Variants in KIAA1549L observed in about 807,000 individuals in gnomAD.
KIAA1549L encodes UPF0606 protein KIAA1549L.
KIAA1549L carries 88 observed loss-of-function variants against 160.7 expected under a neutral mutation model. The observed-to-expected ratio is 0.55, with a 90% confidence interval of 0.46 to 0.65. The LOEUF (loss-of-function observed/expected upper bound fraction) is 0.65. KIAA1549L is among the 30% of genes least tolerant of loss of function. The probability of loss-of-function intolerance (pLI) is 0.00; values close to 1 mark genes in which losing one functional copy is unlikely to be tolerated. For missense variants in KIAA1549L, 2,258 were observed against 2,437.5 expected (o/e 0.93, Z 1.55); for synonymous variants, 950 against 976.7 (o/e 0.97, Z 0.51).
At chr11:33,461,473 T>G (rs1401874343) in intron 1 of KIAA1549L, among the ~76,000 whole-genome samples, 2 of 152,156 alleles carry the variant, frequency 1.3e-5, no homozygotes, top group Non-Finnish European at 1.5e-5. Context: ...ACTGCCTCCC[T>G]CAGCATGAAG....
intron 9 of KIAA1549L, among the ~76,000 whole-genome samples, chr11:33,568,938 T>G (rs1855149223): frequency 6.6e-6 from 1 of 152,244 alleles, no homozygotes; most frequent in Admixed American, 6.5e-5. Flanking sequence ...TTCTCTTGGC[T>G]GGGAGAATTC....
At chr11:33,380,428 C>G (rs1252431782) in intron 1 of KIAA1549L, among the ~76,000 whole-genome samples, 1 of 152,146 alleles carries the variant, frequency 6.6e-6, no homozygotes, top group African/African-American at 2.4e-5. Flanking sequence ...GAAGGTTTTG[C>G]TGATACCAAA....
intron 1 of KIAA1549L, among the ~76,000 whole-genome samples, chr11:33,449,371 A>G (rs1851676334): frequency 6.6e-6 from 1 of 152,138 alleles, no homozygotes; most frequent in African/African-American, 2.4e-5. Flanking sequence ...ATAGCAGAGG[A>G]AGATTCTCAT....
At chr11:33,482,997 A>C (rs1009177677) in intron 1 of KIAA1549L, among the ~76,000 whole-genome samples, 4 of 152,004 alleles carry the variant, frequency 2.6e-5, no homozygotes, top group African/African-American at 9.7e-5. Flanking sequence ...GCCACTATCC[A>C]GCTCGCTGTT....
rs1053253812 is a variant in KIAA1549L at position 33,397,546 on chromosome 11, T to TA, written c.238+20664dup. The stretch of plus-strand genomic sequence containing the variant: ...CAATATGGTGAAACCCCGTCTCTAC[T>TA]AAAAAAACTACAAAAATTAGCCGGA... On this transcript the variant is annotated intron_variant, in intron 1 of 20. Transcript: ENST00000658780. Among the ~76,000 whole-genome samples, 13 of 150,636 alleles carry TA rather than the reference T, an allele frequency of 8.6e-5. No individual in the cohort carries two copies. In the East Asian group the frequency reaches 1.2e-3, roughly 14 times the overall value.
chr11:33,441,718 C>T (rs1044033235), intron 1 of KIAA1549L, among the ~76,000 whole-genome samples: 5 of 152,168 alleles, frequency 3.3e-5, no homozygotes, highest in African/African-American at 1.2e-4. Context: ...TAAATGTCGT[C>T]TTTTGAGAAG....
intron 1 of KIAA1549L, among the ~76,000 whole-genome samples, chr11:33,454,528 G>A (rs980678123): frequency 2.0e-5 from 3 of 152,210 alleles, no homozygotes; most frequent in East Asian, 3.9e-4. Flanking sequence ...GCATTAAGGG[G>A]CATTATAGTA....
chr11:33,458,116 A>G (rs1382031782), intron 1 of KIAA1549L, among the ~76,000 whole-genome samples: 1 of 152,200 alleles, frequency 6.6e-6, no homozygotes, highest in Non-Finnish European at 1.5e-5. Context: ...GGACTTGTGT[A>G]TGCAGCCCAG....
chr11:33,593,491 G>A (rs1190727295), intron 12 of KIAA1549L, among the ~76,000 whole-genome samples: 1 of 152,172 alleles, frequency 6.6e-6, no homozygotes, highest in Non-Finnish European at 1.5e-5. Flanking sequence ...GCTGCTGTGT[G>A]GCAAACAGAC....
At chr11:33,518,445 C>G (rs1853406681) in intron 1 of KIAA1549L, among the ~76,000 whole-genome samples, 1 of 152,144 alleles carries the variant, frequency 6.6e-6, no homozygotes, top group African/African-American at 2.4e-5. Context: ...CTGTACTATA[C>G]ATTAACTTTC....
At chr11:33,392,526 C>G (rs951657683) in intron 1 of KIAA1549L, among the ~76,000 whole-genome samples, 13 of 152,110 alleles carry the variant, frequency 8.5e-5, no homozygotes, top group African/African-American at 1.2e-4. Flanking sequence ...TGAGTTTTTA[C>G]AAATGTATAC....
chr11:33,496,739 A>G (rs889473995), intron 1 of KIAA1549L, among the ~76,000 whole-genome samples: 1 of 152,162 alleles, frequency 6.6e-6, no homozygotes, highest in African/African-American at 2.4e-5. Flanking sequence ...GTATCTTTTA[A>G]ATATGCTCCT....
chr11:33,435,788 A>ATGTGTGTGTG lies in KIAA1549L; in HGVS notation c.238+58900_238+58901insGTGTGTGTGT, dbSNP rs1291028468. On this transcript the variant is annotated intron_variant, in intron 1 of 20. Transcript: ENST00000658780. ...TATATATATATATATATATATATAT[A>ATGTGTGTGTG]TATATATATATATATATATATATGT... Among the ~76,000 whole-genome samples the ATGTGTGTGTG allele has an allele frequency of 1.6e-3, 42 of 26,518 alleles. 3 individuals carry two copies. The East Asian group carries it at 0.074, about 47-fold the overall frequency. 17.4% of individuals were successfully genotyped at this position (26,518 alleles called of 152,430 possible).
chr11:33,482,308 C>CT (rs146681649), intron 1 of KIAA1549L, among the ~76,000 whole-genome samples: 3 of 151,184 alleles, frequency 2.0e-5, no homozygotes, highest in African/African-American at 4.9e-5. Context: ...AATTTTTATA[C>CT]TTTTTTTTTC....
At chr11:33,383,622 G>T (rs980215243) in intron 1 of KIAA1549L, among the ~76,000 whole-genome samples, 4 of 152,190 alleles carry the variant, frequency 2.6e-5, no homozygotes, top group African/African-American at 9.6e-5. Context: ...AACAGGCTAG[G>T]CCTGGACCCT....
intron 20 of KIAA1549L, chr11:33,665,291 T>G (rs537811470): frequency 6.6e-6 from 1 of 152,432 alleles, no homozygotes; most frequent in East Asian, 1.9e-4. Context: ...CTTCTCTCTG[T>G]AGGCAGGTCA....
At chr11:33,638,733 G>A (rs1851510509) in intron 16 of KIAA1549L, among the ~76,000 whole-genome samples, 1 of 152,136 alleles carries the variant, frequency 6.6e-6, no homozygotes, top group Admixed American at 6.5e-5. Context: ...CAAAGTTTTT[G>A]CACTGTTGCC....
At position 33,543,857 on chromosome 11, in the gene KIAA1549L, A is replaced by G. The variant is rs766728998; in HGVS notation, c.2294A>G (p.His765Arg). ...KSQDFKDTAG[H>R]SVTAEGFSIQ... is the part of the protein sequence containing the mutation. ...CAGGATTTCAAAGATACTGCTGGGC[A>G]TTCAGTGACTGCAGAAGGGTTTAGT... is the stretch of plus-strand genomic sequence containing the variant. Residue 765 changes from histidine to arginine, a missense_variant, in exon 2 of 21, where the codon CAT (histidine) becomes CGT (arginine). Around this residue, in one of 6 missense-constraint regions of KIAA1549L, gnomAD observed 287 missense variants for 292.3 expected, o/e 0.98. Coordinates refer to ENST00000658780, the MANE Select transcript of KIAA1549L (RefSeq NM_012194.3). The G allele has an allele frequency of 9.9e-6, 16 of 1,614,040 alleles. No individual in the cohort carries two copies. The highest frequency in any genetic ancestry group is 1.1e-5 in the Non-Finnish European group (13 of 1,179,890).
In KIAA1549L at chr11:33,485,736, C is replaced by T. The variant is rs888243511; in HGVS notation, c.239-56066C>T. On this transcript the variant is annotated intron_variant, in intron 1 of 20. Transcript: ENST00000658780. ...TTACAATAGATCTTCTGAATGTATT[C>T]TTCTTGACTGAAATTTTATATCCTT... Among the ~76,000 whole-genome samples, 7 of 152,230 alleles carry T rather than the reference C, an allele frequency of 4.6e-5. No homozygotes were observed. The East Asian group carries it at 5.8e-4, about 13-fold the overall frequency.
Sources: gnomAD v4.1 joint callset for allele counts (sites outside exome capture counted in the v4.1 genomes callset) on GRCh38, gnomAD v4.1.1 for gene constraint, gnomAD v4.1.1 regional missense constraint, MANE v1.5 for transcripts, NCBI Gene and HGNC (gene_info 2026-07-23, HGNC 2026-07-21) for gene names.